SH3BP4: variants seen among roughly 807,000 people sequenced by gnomAD.
SH3BP4 encodes the protein SH3 domain binding protein 4.
A neutral mutation model predicts 65.5 loss-of-function variants in SH3BP4; 33 were observed. That is an observed-to-expected ratio of 0.50 (90% CI 0.38 to 0.67). SH3BP4 has a LOEUF of 0.67. SH3BP4 is among the 30% of genes least tolerant of loss of function. SH3BP4 has a pLI of 0.00. For missense variants in SH3BP4, 1,134 were observed against 1,261.4 expected (o/e 0.90, Z 1.53); for synonymous variants, 552 against 545.5 (o/e 1.01, Z -0.17).
chr2:234,994,873 G>A (rs1693863365), intron 1 of SH3BP4: 1 of 152,318 alleles, frequency 6.6e-6, no homozygotes. Flanking sequence ...CAGTGAGGCT[G>A]GGATGCAGCC....
At chr2:234,970,157 T>G (rs1300694055) in intron 1 of SH3BP4, among the ~76,000 whole-genome samples, 1 of 151,988 alleles carries the variant, frequency 6.6e-6, no homozygotes, top group African/African-American at 2.4e-5. Context: ...TCACTCACAC[T>G]CCCCCTTTGT....
chr2:235,003,594 G>A (rs1694200205), intron 2 of SH3BP4, among the ~76,000 whole-genome samples: 1 of 152,216 alleles, frequency 6.6e-6, no homozygotes, highest in Admixed American at 6.5e-5. Flanking sequence ...AAATCTTGGT[G>A]AGGAACAGTT....
chr2:235,052,579 C>T lies in SH3BP4; in HGVS notation c.2496C>T (p.Asp832=), dbSNP rs1438565602. 6.5e-6 allele frequency: 10 copies of T among 1,549,704 alleles called. No homozygotes were observed. Among genetic ancestry groups the T allele is most frequent in the African/African-American group, 2.7e-5 (2 of 73,130 alleles). The change falls in exon 5 of 6, where the codon GAC becomes GAT. Residue 832 remains aspartate, a synonymous_variant. Coordinates refer to ENST00000392011, the MANE Select transcript of SH3BP4 (RefSeq NM_014521.3). This position sits in a 1 kb window ranked among gnomAD's most constrained non-coding sequence, Gnocchi z 5.0. The part of the protein sequence containing the change: ...KELVMALLKM[D]CQGLVVRLIQ... Reference sequence around the variant, plus strand: ...CTCTGCAGGCCCTACTGAAGATGGACTGCCAGGGCCTGGTGGTCAGACTCA... The same window carrying T: ...CTCTGCAGGCCCTACTGAAGATGGATTGCCAGGGCCTGGTGGTCAGACTCA...
chr2:235,023,972 C>T (rs1353341058), intron 2 of SH3BP4, among the ~76,000 whole-genome samples: 1 of 152,024 alleles, frequency 6.6e-6, no homozygotes, highest in African/African-American at 2.4e-5. Flanking sequence ...TATTGAGGGA[C>T]AGTGGGAGGG....
At chr2:234,970,863 G>A (rs56709153) in intron 1 of SH3BP4, among the ~76,000 whole-genome samples, 3 of 151,660 alleles carry the variant, frequency 2.0e-5, no homozygotes, top group African/African-American at 4.8e-5. Context: ...TTTTAACTGC[G>A]TTGGAATTGT....
chr2:235,016,726 G>T (rs1694695282), intron 2 of SH3BP4, among the ~76,000 whole-genome samples: 1 of 152,156 alleles, frequency 6.6e-6, no homozygotes, highest in African/African-American at 2.4e-5. Flanking sequence ...GGCCAGGATG[G>T]TCTCGATCTT....
chr2:234,977,140 G>C lies in SH3BP4; in HGVS notation c.-206-18163G>C, dbSNP rs899762896. ...AAGAAAAAGCTTATTTAAGAAAATA[G>C]GTAAGAGTGGTTAGGAAGGCTGGTT... On this transcript the variant is annotated intron_variant, in intron 1 of 5. Transcript: ENST00000392011. The surrounding 1 kb of genome is among the most constrained non-coding windows in gnomAD (Gnocchi z 5.1). Among the ~76,000 whole-genome samples the C allele has an allele frequency of 1.3e-5, 2 of 152,210 alleles. No homozygotes were observed. Among genetic ancestry groups the C allele is most frequent in the Non-Finnish European group, 1.5e-5 (1 of 68,036 alleles).
At chr2:235,019,497 C>T (rs1317088791) in intron 2 of SH3BP4, among the ~76,000 whole-genome samples, 1 of 144,192 alleles carries the variant, frequency 6.9e-6, no homozygotes, top group Non-Finnish European at 1.5e-5. Context: ...AGTGCAATGG[C>T]GCGATCTCAG....
At chr2:235,051,224 G>A (rs776277029) in intron 4 of SH3BP4, among the ~76,000 whole-genome samples, 10 of 152,192 alleles carry the variant, frequency 6.6e-5, no homozygotes, top group East Asian at 5.8e-4. Context: ...TTAGGATGGC[G>A]CCAGAGTCGC....
intron 2 of SH3BP4, among the ~76,000 whole-genome samples, chr2:235,027,405 G>A (rs59452907): frequency 0.12 from 17,608 of 151,792 alleles, 2,583 homozygotes; most frequent in African/African-American, 0.35. Context: ...CGGGGTGCTG[G>A]GTGTCAGGCC....
At chr2:234,973,660 T>C (rs891423001) in intron 1 of SH3BP4, among the ~76,000 whole-genome samples, 58 of 152,154 alleles carry the variant, frequency 3.8e-4, no homozygotes, top group Non-Finnish European at 7.5e-4. Context: ...TGGATTTTTT[T>C]TTTTTTTTAG....
In SH3BP4 at chr2:235,052,843, G is replaced by T; in HGVS notation, c.2667+93G>T. On this transcript the variant is annotated intron_variant, in intron 5 of 5. Transcript: ENST00000392011. This position sits in a 1 kb window ranked among gnomAD's most constrained non-coding sequence, Gnocchi z 5.0. ...GCAGCCATAAAAAGTCTTGCCTCGC[G>T]GCATTTCTGTGAGGGTGCAACAGGT... is the stretch of plus-strand genomic sequence containing the variant. 8.0e-7 allele frequency: 1 copy of T among 1,255,754 alleles called. No individual in the cohort carries two copies. The highest frequency in any genetic ancestry group is 1.5e-5 in the South Asian group (1 of 67,240). 77.8% of individuals were successfully genotyped at this position (1,255,754 alleles called of 1,614,324 possible). A position where few individuals can be genotyped will look rare whatever the true frequency, so the allele number is the denominator to read the frequency against.
At chr2:235,037,333 G>A (rs557895687) in intron 3 of SH3BP4, among the ~76,000 whole-genome samples, 123 of 152,240 alleles carry the variant, frequency 8.1e-4, no homozygotes, top group Non-Finnish European at 2.5e-4. Flanking sequence ...CTAGAAGGGG[G>A]AATCACACAA....
At position 234,988,063 on chromosome 2, in the gene SH3BP4, C is replaced by G. The variant is rs369015973; in HGVS notation, c.-206-7240C>G. 1.8e-4 allele frequency among the ~76,000 whole-genome samples: 27 copies of G among 152,196 alleles called. No individual in the cohort carries two copies. In the East Asian group the frequency reaches 3.5e-3, roughly 20 times the overall value. On this transcript the variant is annotated intron_variant, in intron 1 of 5. Coordinates refer to ENST00000392011, the MANE Select transcript of SH3BP4 (RefSeq NM_014521.3). ...TTAATGTCATTTAGCTTGCCAGCCA[C>G]ATTTTTTTTTCTTTGAGTCAGAGTC... is the stretch of plus-strand genomic sequence containing the variant.
In SH3BP4 at chr2:235,033,730, T is replaced by C. The variant is rs1158812333; in HGVS notation, c.-132-1141T>C. 6.6e-6 allele frequency among the ~76,000 whole-genome samples: 1 copy of C among 151,948 alleles called. No individual in the cohort carries two copies. Among genetic ancestry groups the C allele is most frequent in the Non-Finnish European group, 1.5e-5 (1 of 68,026 alleles). On this transcript the variant is annotated intron_variant, in intron 2 of 5. Transcript: ENST00000392011. The surrounding 1 kb of genome is among the most constrained non-coding windows in gnomAD (Gnocchi z 5.7). Reference sequence around the variant, plus strand: ...TGCACAGGGGCTCTCCAAGCCATGCTCACTGCACATGGAGCCTGGGGGAAG... The same window carrying C: ...TGCACAGGGGCTCTCCAAGCCATGCCCACTGCACATGGAGCCTGGGGGAAG...
At chr2:234,979,113 T>C (rs972477076) in intron 1 of SH3BP4, 1 of 152,158 alleles carries the variant, frequency 6.6e-6, no homozygotes, top group Non-Finnish European at 1.5e-5. Context: ...GAGCAAGCCA[T>C]GTGGTCCCTG....
chr2:234,959,714 C>T (rs769114746), intron 1 of SH3BP4, among the ~76,000 whole-genome samples: 256 of 149,954 alleles, frequency 1.7e-3, no homozygotes, highest in Non-Finnish European at 2.9e-3. Context: ...TGCAATGGCA[C>T]GATCTCGGCT....
chr2:235,042,328 C>T lies in SH3BP4; in HGVS notation c.1559C>T (p.Ala520Val), dbSNP rs1172262615. The change falls in exon 4 of 6, where the codon GCC (alanine) becomes GTC (valine). Residue 520 changes from alanine (A) to valine (V), a missense_variant. Transcript: ENST00000392011. This position sits in a 1 kb window ranked among gnomAD's most constrained non-coding sequence, Gnocchi z 7.3. Reference protein sequence around the residue: ...TRQAPNPAPVALQLWGKHQFV... With the variant: ...TRQAPNPAPVVLQLWGKHQFV... ...CAGGCACCCAACCCTGCCCCGGTGG[C>T]CCTGCAGCTGTGGGGGAAGCACCAG... is the stretch of plus-strand genomic sequence containing the variant. 2 of 1,614,110 alleles carry T rather than the reference C, an allele frequency of 1.2e-6. No homozygotes were observed. Among genetic ancestry groups the T allele is most frequent in the Non-Finnish European group, 1.7e-6 (2 of 1,180,012 alleles).
intron 3 of SH3BP4, among the ~76,000 whole-genome samples, chr2:235,039,849 TC>T (rs1419211435): frequency 1.3e-5 from 2 of 152,232 alleles, no homozygotes; most frequent in African/African-American, 4.8e-5. Flanking sequence ...CAACACTTGT[TC>T]AATGATAGTA....
Sources: allele counts gnomAD v4.1 joint callset (sites outside exome capture counted in the v4.1 genomes callset), GRCh38; gene constraint gnomAD v4.1.1; non-coding constraint Gnocchi (gnomAD v3.1); transcripts MANE v1.5; gene names NCBI Gene and HGNC (gene_info 2026-07-23, HGNC 2026-07-21).